The following CKAP5 variants were observed in gnomAD, a reference collection of about 807,000 sequenced individuals.
The protein encoded by CKAP5 is cytoskeleton associated protein 5.
A neutral mutation model predicts 232.8 loss-of-function variants in CKAP5; 27 were observed. The observed-to-expected ratio is 0.12, with a 90% CI of 0.09 to 0.16. The LOEUF is 0.16. Ranked by LOEUF, CKAP5 falls within the 10% of genes least tolerant of loss-of-function variation. CKAP5 has a pLI of 1.00. For missense variants in CKAP5, 1,838 were observed against 2,424.7 expected (o/e 0.76, Z 5.08); for synonymous variants, 785 against 841.1 (o/e 0.93, Z 1.16).
chr11:46,831,484 G>A (rs1399649015), intron 1 of CKAP5, among the ~76,000 whole-genome samples: 2 of 152,086 alleles, frequency 1.3e-5, no homozygotes, highest in East Asian at 1.9e-4. Flanking sequence ...GTGCTCTAGT[G>A]TAAAATTTCT....
Position 46,744,033 on chromosome 11 carries a change from C to G in CKAP5, c.6089G>C (p.Ser2030Thr), listed in dbSNP as rs143306406. Residue 2030 changes from serine (S) to threonine (T), a missense_variant, in exon 44 of 44, where the codon AGT (serine) becomes ACT (threonine). Around this residue, in one of 6 missense-constraint regions of CKAP5, gnomAD observed 62 missense variants for 61.1 expected, o/e 1.01. Coordinates refer to ENST00000529230, the MANE Select transcript of CKAP5 (RefSeq NM_001008938.4). ...GGGAGTGGGGCAGCTTCATTTGCGA[C>G]TGCTCTTTATTCTCTCCAGTCTTTT... ...LKKRLERIKS[S>T]RK 7 of 1,612,780 alleles carry G rather than the reference C, an allele frequency of 4.3e-6. No individual in the cohort carries two copies. Among genetic ancestry groups the G allele is most frequent in the Non-Finnish European group, 5.9e-6 (7 of 1,180,044 alleles).
intron 36 of CKAP5, 65 bp from the exon 37 acceptor site, chr11:46,753,562 G>A (rs1310407161): frequency 2.6e-6 from 3 of 1,151,212 alleles, no homozygotes; most frequent in Non-Finnish European, 3.7e-6. Context: ...AAATGTGGGT[G>A]GCATATTCTG....
intron 24 of CKAP5, 58 bp from the exon 25 acceptor site, chr11:46,771,040 G>T: frequency 6.9e-7 from 1 of 1,439,182 alleles, no homozygotes; most frequent in Non-Finnish European, 9.6e-7. Flanking sequence ...TATCATTTAT[G>T]ATCTCAGGCT....
intron 1 of CKAP5, among the ~76,000 whole-genome samples, chr11:46,825,095 T>C (rs181308560): frequency 1.1e-3 from 165 of 152,332 alleles, no homozygotes; most frequent in African/African-American, 3.8e-3. Context: ...TAGTCCATGC[T>C]ATTGCTGAAA....
In CKAP5 at chr11:46,803,398, G is replaced by A. The variant is rs149840984; in HGVS notation, c.979-2094C>T. 2.7e-3 allele frequency among the ~76,000 whole-genome samples: 416 copies of A among 151,906 alleles called. 2 individuals are homozygous for A. The highest frequency in any genetic ancestry group is 9.5e-3 in the African/African-American group (394 of 41,432). ...ATCTTCCCACCTCAGCCTCCCGACTGGCTGGGACTAAAGGCACATGCTACC... is the reference window on the plus strand; with the variant it reads ...ATCTTCCCACCTCAGCCTCCCGACTAGCTGGGACTAAAGGCACATGCTACC... On this transcript the variant is annotated intron_variant, in intron 8 of 43. Transcript: ENST00000529230.
intron 17 of CKAP5, among the ~76,000 whole-genome samples, chr11:46,783,886 G>C (rs2134628619): frequency 6.6e-6 from 1 of 151,144 alleles, no homozygotes; most frequent in African/African-American, 2.4e-5. Flanking sequence ...TTGTATTTTT[G>C]GTAGAGACGG....
chr11:46,813,716 A>C (rs1489119009), intron 4 of CKAP5, among the ~76,000 whole-genome samples: 1 of 152,190 alleles, frequency 6.6e-6, no homozygotes, highest in Non-Finnish European at 1.5e-5. Flanking sequence ...ACATAACAAC[A>C]TCTATGAAGA....
At chr11:46,819,668 A>T (rs1939483443) in intron 2 of CKAP5, among the ~76,000 whole-genome samples, 1 of 152,176 alleles carries the variant, frequency 6.6e-6, no homozygotes, top group Non-Finnish European at 1.5e-5. Context: ...ATGTAATTGA[A>T]TTGATTCAAT....
At chr11:46,761,265 A>G (rs1272256903) in intron 32 of CKAP5, among the ~76,000 whole-genome samples, 1 of 150,964 alleles carries the variant, frequency 6.6e-6, no homozygotes, top group African/African-American at 2.4e-5. Context: ...AAAAAAAAAA[A>G]GAAACGATAA....
Position 46,842,262 on chromosome 11 carries a change from G to A in CKAP5, c.-38+3958C>T, listed in dbSNP as rs74949030. On this transcript the variant is annotated intron_variant, in intron 1 of 43. Transcript: ENST00000529230. The stretch of plus-strand genomic sequence containing the variant: ...AAATCAAAGAACTATTGAAACCAGG[G>A]GGTACAATGTGAAGGAATTGTTTCA... Among the ~76,000 whole-genome samples the A allele has an allele frequency of 2.1e-3, 315 of 152,186 alleles. 1 individual carries two copies. Among genetic ancestry groups the A allele is most frequent in the African/African-American group, 6.9e-3 (285 of 41,508 alleles).
chr11:46,774,291 A>G (rs961780955), intron 24 of CKAP5, among the ~76,000 whole-genome samples: 22 of 152,196 alleles, frequency 1.4e-4, no homozygotes, highest in African/African-American at 5.3e-4. Context: ...AAGAAAATAA[A>G]ATACCTAGGA....
chr11:46,774,353 G>A (rs1592448643), intron 24 of CKAP5, among the ~76,000 whole-genome samples: 1 of 152,084 alleles, frequency 6.6e-6, no homozygotes. Context: ...ACAAACAAAT[G>A]GAAGAACATT....
chr11:46,780,133 G>A, intron 20 of CKAP5, 61 bp downstream of exon 20: 4 of 1,583,562 alleles, frequency 2.5e-6, no homozygotes, highest in Non-Finnish European at 3.5e-6. Flanking sequence ...ACACCCAACA[G>A]TTTAGTCTTA....
chr11:46,804,503 A>G (rs1269153368), intron 8 of CKAP5, among the ~76,000 whole-genome samples: 4 of 152,208 alleles, frequency 2.6e-5, no homozygotes, highest in Admixed American at 2.6e-4. Context: ...AATTTAAACA[A>G]TAGGAAATCT....
At chr11:46,762,221 G>A (rs1302505246) in intron 31 of CKAP5, 28 bp from the exon 32 acceptor site, 2 of 1,600,068 alleles carry the variant, frequency 1.2e-6, no homozygotes, top group Non-Finnish European at 1.7e-6. Flanking sequence ...CTAGATTAAT[G>A]AGACAACACA....
rs539058744 is a variant in CKAP5 at position 46,841,947 on chromosome 11, G to A, written c.-38+4273C>T. ...TGGGAGGCAGAGGTTGCAGTGAGCC[G>A]AGATCGTGCCATTGCACTCCAGCCC... On this transcript the variant is annotated intron_variant, in intron 1 of 43. Transcript: ENST00000529230. Among the ~76,000 whole-genome samples, 13 of 142,584 alleles carry A rather than the reference G, an allele frequency of 9.1e-5. 1 individual carries two copies. Among genetic ancestry groups the A allele is most frequent in the African/African-American group, 3.1e-4 (12 of 38,340 alleles). The allele number at this position is 142,584 out of a possible 152,430, so 93.5% of individuals were successfully genotyped here. A position where few individuals can be genotyped will look rare whatever the true frequency, so the allele number is the denominator to read the frequency against.
intron 42 of CKAP5, 74 bp downstream of exon 42, chr11:46,750,200 C>T (rs1310739088): frequency 6.8e-7 from 1 of 1,465,154 alleles, no homozygotes; most frequent in Non-Finnish European, 9.3e-7. Context: ...TGAATTTAAA[C>T]TAACCAAAAC....
At chr11:46,832,849 C>T (rs1342894575) in intron 1 of CKAP5, among the ~76,000 whole-genome samples, 1 of 151,872 alleles carries the variant, frequency 6.6e-6, no homozygotes, top group Non-Finnish European at 1.5e-5. Context: ...CTCAGTTACT[C>T]AAGAGGCTGA....
At position 46,743,264 on chromosome 11, in the gene CKAP5, G is replaced by A. The variant is rs973206818; in HGVS notation, c.*759C>T. Reference sequence around the variant, plus strand: ...AGGATGCCCAAGAGCTTCTTGAAACGACTGGTGATAATTGGAGGGAAATCA... The same window carrying A: ...AGGATGCCCAAGAGCTTCTTGAAACAACTGGTGATAATTGGAGGGAAATCA... On this transcript the variant is annotated 3_prime_UTR_variant, in exon 44 of 44. Transcript: ENST00000529230. The A allele has an allele frequency of 1.5e-4, 23 of 152,154 alleles. No individual in the cohort carries two copies. The highest frequency in any genetic ancestry group is 5.1e-4 in the African/African-American group (21 of 41,434). 9.4% of individuals were successfully genotyped at this position (152,154 alleles called of 1,614,324 possible). A position where few individuals can be genotyped will look rare whatever the true frequency, so the allele number is the denominator to read the frequency against.
Sources: gnomAD v4.1 joint callset for allele counts (sites outside exome capture counted in the v4.1 genomes callset) on GRCh38, gnomAD v4.1.1 for gene constraint, gnomAD v4.1.1 regional missense constraint, MANE v1.5 for transcripts, NCBI Gene and HGNC (gene_info 2026-07-23, HGNC 2026-07-21) for gene names.